The following WWOX variants were observed in gnomAD, a reference collection of about 807,000 sequenced individuals.
The protein encoded by WWOX is WW domain containing oxidoreductase.
A neutral mutation model predicts 46.2 loss-of-function variants in WWOX; 69 were observed. The ratio of observed to expected loss-of-function variants is 1.49; its 90% CI spans 1.23 to 1.82. The LOEUF is 1.82. Among genes scored for constraint, WWOX ranks in the 40% most tolerant of loss-of-function variants. WWOX has a pLI of 0.00. For missense variants in WWOX, 919 were observed against 542.6 expected (o/e 1.69, Z -6.89); for synonymous variants, 359 against 202.6 (o/e 1.77, Z -6.56).
In WWOX at chr16:78,883,047, G is replaced by T. The variant is rs558883836; in HGVS notation, c.1057-328561G>T. Among the ~76,000 whole-genome samples, 19 of 152,268 alleles carry T rather than the reference G, an allele frequency of 1.2e-4. No homozygotes were observed. In the South Asian group the frequency reaches 3.7e-3, roughly 30 times the overall value. ...TAAATTGAAGGCTTGAGGACAGGAA[G>T]CACCTTAGCGGTTCGCCTTTCATTT... On this transcript the variant is annotated intron_variant, in intron 8 of 8. Coordinates refer to ENST00000566780, the MANE Select transcript of WWOX (RefSeq NM_016373.4).
chr16:78,519,635 A>G (rs1341133470), intron 8 of WWOX, among the ~76,000 whole-genome samples: 6 of 152,068 alleles, frequency 3.9e-5, no homozygotes, highest in Admixed American at 3.3e-4. Flanking sequence ...ACAAAGCAGG[A>G]CCTTTAGGAC....
chr16:79,118,225 C>G (rs541144281), intron 8 of WWOX, among the ~76,000 whole-genome samples: 13 of 152,184 alleles, frequency 8.5e-5, no homozygotes, highest in Non-Finnish European at 1.8e-4. Flanking sequence ...TGTTGTGTCT[C>G]AGGTAATAGG....
chr16:78,875,116 G>A (rs1474297810), intron 8 of WWOX, among the ~76,000 whole-genome samples: 1 of 152,056 alleles, frequency 6.6e-6, no homozygotes, highest in African/African-American at 2.4e-5. Flanking sequence ...TTCTGAAGAG[G>A]GTCTCGGGCT....
chr16:78,672,244 A>C (rs931789061), intron 8 of WWOX, among the ~76,000 whole-genome samples: 1 of 152,202 alleles, frequency 6.6e-6, no homozygotes, highest in Non-Finnish European at 1.5e-5. Context: ...TTCCATGTTC[A>C]AGGTGATAAC....
chr16:78,514,804 C>T (rs1257072524), intron 8 of WWOX, among the ~76,000 whole-genome samples: 1 of 152,132 alleles, frequency 6.6e-6, no homozygotes, highest in Non-Finnish European at 1.5e-5. Flanking sequence ...TTGTCTGCCT[C>T]CCTTCTCTCA....
intron 8 of WWOX, among the ~76,000 whole-genome samples, chr16:78,882,735 C>G (rs762736036): frequency 1.3e-5 from 2 of 151,914 alleles, no homozygotes; most frequent in African/African-American, 4.8e-5. Context: ...GTGATCCACC[C>G]GCTTCAGCCT....
chr16:78,578,024 C>T (rs909472083), intron 8 of WWOX, among the ~76,000 whole-genome samples: 5 of 151,698 alleles, frequency 3.3e-5, no homozygotes, highest in African/African-American at 1.2e-4. Flanking sequence ...AAAAGTATAC[C>T]GCCATTGTTC....
At chr16:78,990,309 G>A (rs971166714) in intron 8 of WWOX, among the ~76,000 whole-genome samples, 7 of 152,074 alleles carry the variant, frequency 4.6e-5, no homozygotes, top group Admixed American at 2.0e-4. Flanking sequence ...CTGTGCATTG[G>A]TTCTAAGTCA....
intron 5 of WWOX, among the ~76,000 whole-genome samples, chr16:78,225,826 T>C (rs1440834589): frequency 1.3e-5 from 2 of 152,140 alleles, no homozygotes; most frequent in Non-Finnish European, 2.9e-5. Flanking sequence ...GTTTTAGTAT[T>C]TTTTCCTTAT....
intron 8 of WWOX, among the ~76,000 whole-genome samples, chr16:78,874,471 A>T (rs530563400): frequency 1.3e-4 from 20 of 152,120 alleles, no homozygotes; most frequent in Middle Eastern, 3.4e-3. Context: ...ATTTCAAAAA[A>T]TTATGGACTT....
chr16:78,145,011 A>G (rs925685040), intron 4 of WWOX, among the ~76,000 whole-genome samples: 1 of 152,138 alleles, frequency 6.6e-6, no homozygotes, highest in African/African-American at 2.4e-5. Flanking sequence ...AGTTAAGTCT[A>G]TTAGTTTGCT....
At chr16:78,607,967 T>C (rs2045802515) in intron 8 of WWOX, among the ~76,000 whole-genome samples, 1 of 152,212 alleles carries the variant, frequency 6.6e-6, no homozygotes, top group Non-Finnish European at 1.5e-5. Context: ...AGTTAAAATC[T>C]ATCAAAGTAT....
intron 5 of WWOX, among the ~76,000 whole-genome samples, chr16:78,242,211 T>G (rs1004260239): frequency 2.0e-5 from 3 of 152,248 alleles, no homozygotes; most frequent in Non-Finnish European, 4.4e-5. Flanking sequence ...ACAGCCACTT[T>G]GTAATACCTG....
At chr16:78,148,789 T>C (rs1433614913) in intron 4 of WWOX, among the ~76,000 whole-genome samples, 1 of 149,882 alleles carries the variant, frequency 6.7e-6, no homozygotes, top group Non-Finnish European at 1.5e-5. Flanking sequence ...TCCCAGCTAC[T>C]CGGGAGGCTG....
At chr16:78,585,706 GT>G (rs949628645) in intron 8 of WWOX, among the ~76,000 whole-genome samples, 1 of 126,084 alleles carries the variant, frequency 7.9e-6, no homozygotes, top group Non-Finnish European at 1.7e-5. Context: ...TGTTTTTTTT[GT>G]TTTTTTGCCT....
At chr16:79,099,641 T>C (rs1164835064) in intron 8 of WWOX, among the ~76,000 whole-genome samples, 2 of 152,152 alleles carry the variant, frequency 1.3e-5, no homozygotes, top group African/African-American at 2.4e-5. Flanking sequence ...GTTTTAAATA[T>C]TGGCAACTAA....
At chr16:78,575,045 ATATATATATATATATATATATATATATAT>A (rs2044832506) in intron 8 of WWOX, among the ~76,000 whole-genome samples, 5 of 7,164 alleles carry the variant, frequency 7.0e-4, no homozygotes, top group Non-Finnish European at 1.1e-3. Context: ...ATATATATAT[ATATATATATATATATATATATATATATAT>A]ATATATATAT....
At chr16:78,729,495 A>T (rs2048915303) in intron 8 of WWOX, among the ~76,000 whole-genome samples, 2 of 152,150 alleles carry the variant, frequency 1.3e-5, no homozygotes, top group Admixed American at 1.3e-4. Context: ...TTTGAGAAAG[A>T]CAGAAGAGGA....
At chr16:78,210,921 C>G (rs1057065688) in intron 5 of WWOX, among the ~76,000 whole-genome samples, 1 of 152,152 alleles carries the variant, frequency 6.6e-6, no homozygotes, top group Non-Finnish European at 1.5e-5. Flanking sequence ...GTTAAAGATT[C>G]TGTTAAGAGC....
Sources: gnomAD v4.1 joint callset for allele counts (sites outside exome capture counted in the v4.1 genomes callset) on GRCh38, gnomAD v4.1.1 for gene constraint, MANE v1.5 for transcripts, NCBI Gene and HGNC (gene_info 2026-07-23, HGNC 2026-07-21) for gene names.